Variants in NEDD4L observed in about 807,000 individuals in gnomAD.
NEDD4L encodes NEDD4 like E3 ubiquitin protein ligase, also known as E3 ubiquitin-protein ligase NEDD4-like.
Under a neutral mutation model 148.9 loss-of-function variants are expected in NEDD4L, and 54 were observed. The ratio of observed to expected loss-of-function variants is 0.36; its 90% CI spans 0.29 to 0.45. The LOEUF (loss-of-function observed/expected upper bound fraction) is 0.45. Ranked by LOEUF, NEDD4L falls within the 20% of genes least tolerant of loss-of-function variation. The pLI is 1.00. For synonymous variants in NEDD4L, 433 were observed against 440.7 expected (o/e 0.98, Z 0.22); for missense variants, 856 against 1,233.8 (o/e 0.69, Z 4.59).
At chr18:58,340,956 T>C in intron 13 of NEDD4L, 82 bp from the exon 14 acceptor site, 5 of 1,377,804 alleles carry the variant, frequency 3.6e-6, no homozygotes, top group South Asian at 1.4e-5. Flanking sequence ...AGAAAATAAT[T>C]ATCTGGGTGT....
chr18:58,220,531 C>T (rs921001057), intron 2 of NEDD4L, among the ~76,000 whole-genome samples: 11 of 152,196 alleles, frequency 7.2e-5, no homozygotes, highest in Non-Finnish European at 1.0e-4. Context: ...AGGGGTGATC[C>T]GTTCATCTTC....
intron 1 of NEDD4L, among the ~76,000 whole-genome samples, chr18:58,160,273 T>C (rs1189092632): frequency 6.6e-6 from 1 of 152,242 alleles, no homozygotes; most frequent in African/African-American, 2.4e-5. Context: ...AACCTTCAGA[T>C]TACCACCTGT....
chr18:58,246,303 A>C (rs564093537), intron 3 of NEDD4L, among the ~76,000 whole-genome samples: 1 of 152,314 alleles, frequency 6.6e-6, no homozygotes, highest in South Asian at 2.1e-4. Flanking sequence ...GTTTAACTTG[A>C]AACAACTATT....
At chr18:58,139,246 G>A (rs955534258) in intron 1 of NEDD4L, among the ~76,000 whole-genome samples, 1 of 152,044 alleles carries the variant, frequency 6.6e-6, no homozygotes, top group African/African-American at 2.4e-5. Context: ...AGGATAATTT[G>A]GCCACAATAG....
At chr18:58,304,937 T>A (rs2056900418) in intron 5 of NEDD4L, among the ~76,000 whole-genome samples, 1 of 152,214 alleles carries the variant, frequency 6.6e-6, no homozygotes, top group South Asian at 2.1e-4. Flanking sequence ...CAGCCAGATA[T>A]CCCTTGGCTA....
chr18:58,186,210 T>G (rs2039470931), intron 2 of NEDD4L, among the ~76,000 whole-genome samples: 1 of 152,230 alleles, frequency 6.6e-6, no homozygotes, highest in Non-Finnish European at 1.5e-5. Context: ...GAACCTGTGT[T>G]GAGATATCAG....
At position 58,190,621 on chromosome 18, in the gene NEDD4L, T is replaced by C. The variant is rs1173204475; in HGVS notation, c.122+24760T>C. Among the ~76,000 whole-genome samples the C allele has an allele frequency of 2.6e-5, 4 of 152,212 alleles. No homozygotes were observed. In the East Asian group the frequency reaches 5.8e-4, roughly 22 times the overall value. ...TATTTTCTTTTCTTCTAACTAAGTA[T>C]GTATATGTGTAAGTGTGTCTGTATA... On this transcript the variant is annotated intron_variant, in intron 2 of 30. Transcript: ENST00000400345.
chr18:58,307,834 C>T (rs1181538117), intron 5 of NEDD4L, among the ~76,000 whole-genome samples: 1 of 151,936 alleles, frequency 6.6e-6, no homozygotes, highest in African/African-American at 2.4e-5. Flanking sequence ...GCATGGTTAC[C>T]AAGAGTGTCT....
chr18:58,064,744 G>T (rs1313553944), intron 1 of NEDD4L, among the ~76,000 whole-genome samples: 1 of 152,166 alleles, frequency 6.6e-6, no homozygotes, highest in Non-Finnish European at 1.5e-5. Flanking sequence ...TCTAAAATAT[G>T]CCCGTTAGTG....
At chr18:58,302,015 T>C (rs1045681322) in intron 5 of NEDD4L, among the ~76,000 whole-genome samples, 2 of 152,160 alleles carry the variant, frequency 1.3e-5, no homozygotes, top group East Asian at 3.8e-4. Flanking sequence ...TTCAGCATAG[T>C]GAGAGAATGT....
chr18:58,239,716 T>G (rs2046414789), intron 2 of NEDD4L, among the ~76,000 whole-genome samples: 1 of 152,076 alleles, frequency 6.6e-6, no homozygotes, highest in African/African-American at 2.4e-5. Context: ...ACCCAGAAAA[T>G]CTCATTCTCA....
intron 5 of NEDD4L, chr18:58,255,828 T>G: frequency 1.6e-5 from 20 of 1,232,464 alleles, no homozygotes; most frequent in Non-Finnish European, 1.9e-5. Context: ...CAGGGAGGCG[T>G]GGGTGCGCTT....
intron 2 of NEDD4L, among the ~76,000 whole-genome samples, chr18:58,218,745 G>A (rs2043415047): frequency 6.6e-6 from 1 of 152,150 alleles, no homozygotes; most frequent in Non-Finnish European, 1.5e-5. Context: ...AAGAAAGCTG[G>A]TTTTAGACTT....
intron 1 of NEDD4L, among the ~76,000 whole-genome samples, chr18:58,082,102 A>ATATATATATATATTT: frequency 1.2e-4 from 6 of 48,852 alleles, no homozygotes; most frequent in African/African-American, 7.6e-4. Flanking sequence ...ATATATATAT[A>ATATATATATATATTT]TTTTTTTTTT....
chr18:58,182,462 G>A (rs1274113470), intron 2 of NEDD4L, among the ~76,000 whole-genome samples: 3 of 148,650 alleles, frequency 2.0e-5, no homozygotes, highest in Non-Finnish European at 1.5e-5. Context: ...TCTCTGGGCT[G>A]TTAGGACAGT....
chr18:58,097,406 CAT>C (rs10583562), intron 1 of NEDD4L, among the ~76,000 whole-genome samples: 5,284 of 152,256 alleles, frequency 0.035, 305 homozygotes, highest in African/African-American at 0.12. Context: ...AAAACAAACA[CAT>C]GTTTAGTTGA....
chr18:58,255,388 C>T (rs1025678251), intron 5 of NEDD4L: 49 of 570,308 alleles, frequency 8.6e-5, no homozygotes, highest in Non-Finnish European at 1.2e-4. Flanking sequence ...GGGGAGAGCG[C>T]GGTCATGTGG....
chr18:58,317,816 C>T (rs2058427722), intron 6 of NEDD4L, among the ~76,000 whole-genome samples: 1 of 152,108 alleles, frequency 6.6e-6, no homozygotes, highest in Admixed American at 6.5e-5. Context: ...ACCGAGTGCC[C>T]CTAGTTACTC....
chr18:58,072,459 T>C (rs2082917064), intron 1 of NEDD4L, among the ~76,000 whole-genome samples: 1 of 152,184 alleles, frequency 6.6e-6, no homozygotes, highest in African/African-American at 2.4e-5. Context: ...TCTGTCATGT[T>C]AATAGAATAA....
Sources: allele counts gnomAD v4.1 joint callset (sites outside exome capture counted in the v4.1 genomes callset), GRCh38; gene constraint gnomAD v4.1.1; transcripts MANE v1.5; gene names NCBI Gene and HGNC (gene_info 2026-07-23, HGNC 2026-07-21).